The following PCBD1 variants were observed in gnomAD, a reference collection of about 807,000 sequenced individuals.
The protein encoded by PCBD1 is pterin-4-alpha-carbinolamine dehydratase.
A neutral mutation model predicts 12.6 loss-of-function variants in PCBD1; 16 were observed. The observed-to-expected ratio is 1.27, with a 90% CI of 0.86 to 1.93. The LOEUF (loss-of-function observed/expected upper bound fraction) is 1.93, where lower values mean the gene tolerates loss of function less well. Ranked by LOEUF, PCBD1 falls within the 30% of genes most tolerant of loss-of-function variation. PCBD1 has a pLI of 0.00. For synonymous variants in PCBD1, 53 were observed against 50.2 expected (o/e 1.05, Z -0.23); for missense variants, 86 against 130.1 (o/e 0.66, Z 1.65).
chr10:70,885,780 C>G lies in PCBD1; in HGVS notation c.135+18G>C. On this transcript the variant is annotated intron_variant, in intron 2 of 3. Transcript: ENST00000299299. ...ATCAGCCCGTCTCAGAAAACTCTGT[C>G]CCACCCTGGTGCCATACCCTGTTGA... 1 of 1,613,798 alleles carries G rather than the reference C, an allele frequency of 6.2e-7. No individual in the cohort carries two copies. The highest frequency in any genetic ancestry group is 8.5e-7 in the Non-Finnish European group (1 of 1,179,920).
In PCBD1 at chr10:70,885,876, G is replaced by T. The variant is rs114265283; in HGVS notation, c.57C>A (p.Asn19Lys). The change falls in exon 2 of 4, where the codon AAC (asparagine) becomes AAA (lysine). Residue 19 changes from asparagine (N) to lysine (K), a missense_variant. Transcript: ENST00000299299. ...GCTCATTCCACCCCACAGCCCTCAGGTTTGGCAGCAGCTGGTCCCTCTCCT... is the reference window on the plus strand; with the variant it reads ...GCTCATTCCACCCCACAGCCCTCAGTTTTGGCAGCAGCTGGTCCCTCTCCT... Reference protein sequence around the residue: ...SAEERDQLLPNLRAVGWNELE... With the variant: ...SAEERDQLLPKLRAVGWNELE... 1.2e-6 allele frequency: 2 copies of T among 1,614,058 alleles called. No homozygotes were observed. The highest frequency in any genetic ancestry group is 3.3e-5 in the Admixed American group (2 of 60,012).
rs1230994886 is a variant in PCBD1 at position 70,883,946 on chromosome 10, G to A, written c.*4C>T. 1.2e-6 allele frequency: 2 copies of A among 1,613,268 alleles called. No individual in the cohort carries two copies. The highest frequency in any genetic ancestry group is 1.7e-6 in the Non-Finnish European group (2 of 1,179,784). On this transcript the variant is annotated 3_prime_UTR_variant, in exon 4 of 4. Coordinates refer to ENST00000299299, the MANE Select transcript of PCBD1 (RefSeq NM_000281.4). ...CGGAAGAATTCAAAGAGGAAGGGCA[G>A]GGTCTATGTCATGGACACTGCTACT... is the stretch of plus-strand genomic sequence containing the variant.
chr10:70,886,580 C>T (rs12218438), intron 1 of PCBD1, among the ~76,000 whole-genome samples: 11,052 of 152,274 alleles, frequency 0.073, 640 homozygotes, highest in East Asian at 0.3. Flanking sequence ...AGTGTCCATC[C>T]CATTCTTAGC....
rs771567138 is a variant in PCBD1, at chr10:70,884,028, G to A, written c.237C>T (p.Thr79=). Reference sequence around the variant, plus strand: ...GTTCTGAAAGGCCGGCACACTCATGGGTGCTCAGCGTGATGTGGACCTGAA... The same window carrying A: ...GTTCTGAAAGGCCGGCACACTCATGAGTGCTCAGCGTGATGTGGACCTGAA... ...VYNKVHITLS[T]HECAGLSERD... The change falls in exon 4 of 4, where the codon ACC becomes ACT. Residue 79 remains threonine, a synonymous_variant. Coordinates refer to ENST00000299299, the MANE Select transcript of PCBD1 (RefSeq NM_000281.4). The A allele has an allele frequency of 6.2e-7, 1 of 1,614,092 alleles. No individual in the cohort carries two copies. The highest frequency in any genetic ancestry group is 8.5e-7 in the Non-Finnish European group (1 of 1,180,024).
chr10:70,883,117 G>A (rs1846524451), downstream of PCBD1, among the ~76,000 whole-genome samples: 1 of 152,094 alleles, frequency 6.6e-6, no homozygotes, highest in Admixed American at 6.6e-5. Context: ...CTGTGTTCAT[G>A]GTGTTCTCTC....
Position 70,883,715 on chromosome 10 carries a change from T to C in PCBD1, c.*235A>G. On this transcript the variant is annotated 3_prime_UTR_variant, in exon 4 of 4. Coordinates refer to ENST00000299299, the MANE Select transcript of PCBD1 (RefSeq NM_000281.4). ...AGTTGCAAAGAAAGGGGAGAGTTTA[T>C]TCAAATTAGTGTAACAGAGCCCCCA... 1 of 1,389,978 alleles carries C rather than the reference T, an allele frequency of 7.2e-7. No homozygotes were observed. Among genetic ancestry groups the C allele is most frequent in the Non-Finnish European group, 9.3e-7 (1 of 1,070,444 alleles). 86.1% of individuals were successfully genotyped at this position (1,389,978 alleles called of 1,614,324 possible). A position where few individuals can be genotyped will look rare whatever the true frequency, so the allele number is the denominator to read the frequency against.
chr10:70,885,989 G>A, intron 1 of PCBD1, 60 bp from the exon 2 acceptor site: 3 of 1,597,088 alleles, frequency 1.9e-6, no homozygotes, highest in Non-Finnish European at 2.6e-6. Context: ...CAAAACAGAG[G>A]GGCTCCAACC....
At position 70,883,584 on chromosome 10, in the gene PCBD1, C is replaced by T; in HGVS notation, c.*366G>A. Reference sequence around the variant, plus strand: ...ATTACATAGTGTGGGGTTTAGGGTCCTGGTTTCTAAGACAAGACTTTATTT... The same window carrying T: ...ATTACATAGTGTGGGGTTTAGGGTCTTGGTTTCTAAGACAAGACTTTATTT... On this transcript the variant is annotated 3_prime_UTR_variant, in exon 4 of 4. Coordinates refer to ENST00000299299, the MANE Select transcript of PCBD1 (RefSeq NM_000281.4). 8.5e-7 allele frequency: 1 copy of T among 1,175,262 alleles called. No individual in the cohort carries two copies. Among genetic ancestry groups the T allele is most frequent in the Non-Finnish European group, 1.1e-6 (1 of 937,694 alleles). The allele number at this position is 1,175,262 out of a possible 1,614,324, so 72.8% of individuals were successfully genotyped here.
chr10:70,886,409 G>T (rs1011292228), intron 1 of PCBD1, among the ~76,000 whole-genome samples: 1 of 152,062 alleles, frequency 6.6e-6, no homozygotes, highest in Non-Finnish European at 1.5e-5. Context: ...TGCACCCCAC[G>T]TCCCTACCGT....
At chr10:70,884,971 TC>T (rs1846558944) in intron 3 of PCBD1, among the ~76,000 whole-genome samples, 180 bp downstream of exon 3, 1 of 152,182 alleles carries the variant, frequency 6.6e-6, no homozygotes, top group Non-Finnish European at 1.5e-5. Flanking sequence ...GATTTTTTTT[TC>T]CCAGGGGTAT....
At position 70,883,807 on chromosome 10, in the gene PCBD1, C is replaced by T; in HGVS notation, c.*143G>A. On this transcript the variant is annotated 3_prime_UTR_variant, in exon 4 of 4. Coordinates refer to ENST00000299299, the MANE Select transcript of PCBD1 (RefSeq NM_000281.4). ...TGTTGGTGGGGACACTGGCACATCC[C>T]ACAGCAAGGACTCAGCCCTCAACGG... The T allele has an allele frequency of 6.6e-7, 1 of 1,524,336 alleles. No homozygotes were observed. The allele number at this position is 1,524,336 out of a possible 1,614,324, so 94.4% of individuals were successfully genotyped here.
At chr10:70,883,019 G>GAAATGTAAT (rs1589483354), downstream of PCBD1, among the ~76,000 whole-genome samples, 1 of 152,154 alleles carries the variant, frequency 6.6e-6, no homozygotes, top group East Asian at 1.9e-4. Context: ...TCAAATTAGG[G>GAAATGTAAT]ATGTTCAACC....
rs765452102 is a variant in PCBD1 at position 70,885,889 on chromosome 10, T to C, written c.44A>G (p.Gln15Arg). 21 of 1,613,942 alleles carry C rather than the reference T, an allele frequency of 1.3e-5. No homozygotes were observed. Among genetic ancestry groups the C allele is most frequent in the Admixed American group, 3.3e-5 (2 of 60,002 alleles). Residue 15 changes from glutamine (Q) to arginine (R), a missense_variant, in exon 2 of 4, where the codon CAG (glutamine) becomes CGG (arginine). Transcript: ENST00000299299. ...AHRLSAEERD[Q>R]LLPNLRAVGW... ...CACAGCCCTCAGGTTTGGCAGCAGC[T>C]GGTCCCTCTCCTCAGCGCTCAGCCT...
chr10:70,886,123 C>T (rs1039288022), intron 1 of PCBD1, among the ~76,000 whole-genome samples, 194 bp from the exon 2 acceptor site: 5 of 152,154 alleles, frequency 3.3e-5, no homozygotes, highest in Non-Finnish European at 4.4e-5. Flanking sequence ...GGTCCAGGCT[C>T]GTCTGCCGAT....
In PCBD1 at chr10:70,883,920, C is replaced by T. The variant is rs1166974277; in HGVS notation, c.*30G>A. On this transcript the variant is annotated 3_prime_UTR_variant, in exon 4 of 4. Coordinates refer to ENST00000299299, the MANE Select transcript of PCBD1 (RefSeq NM_000281.4). ...ACTCCCAGTTCAGTCACCCCTTCCC[C>T]CGGAAGAATTCAAAGAGGAAGGGCA... 1.2e-6 allele frequency: 2 copies of T among 1,604,994 alleles called. No individual in the cohort carries two copies. Among genetic ancestry groups the T allele is most frequent in the Admixed American group, 3.4e-5 (2 of 58,870 alleles).
chr10:70,885,885 C>T lies in PCBD1; in HGVS notation c.48G>A (p.Leu16=), dbSNP rs776989332. ...HRLSAEERDQ[L]LPNLRAVGWN... Reference sequence around the variant, plus strand: ...ACCCCACAGCCCTCAGGTTTGGCAGCAGCTGGTCCCTCTCCTCAGCGCTCA... The same window carrying T: ...ACCCCACAGCCCTCAGGTTTGGCAGTAGCTGGTCCCTCTCCTCAGCGCTCA... The change falls in exon 2 of 4, where the codon CTG becomes CTA. Residue 16 remains leucine, a synonymous_variant. Transcript: ENST00000299299. The T allele has an allele frequency of 1.2e-6, 2 of 1,614,070 alleles. No homozygotes were observed. The highest frequency in any genetic ancestry group is 1.7e-6 in the Non-Finnish European group (2 of 1,179,982).
chr10:70,884,150 G>T, intron 3 of PCBD1, 102 bp from the exon 4 acceptor site: 3 of 1,197,098 alleles, frequency 2.5e-6, no homozygotes, highest in Non-Finnish European at 3.6e-6. Context: ...CAGAATAGCA[G>T]CTGGCCAGTA....
intron 3 of PCBD1, 52 bp downstream of exon 3, chr10:70,885,100 C>T (rs574508940): frequency 6.7e-5 from 96 of 1,439,092 alleles, no homozygotes; most frequent in Non-Finnish European, 6.0e-5. Context: ...TGTCAGAGTT[C>T]GCAGTATTTG....
At chr10:70,882,455 G>A (rs1052965779), downstream of PCBD1, 1 of 152,256 alleles carries the variant, frequency 6.6e-6, no homozygotes, top group Admixed American at 6.5e-5. Flanking sequence ...AGATGGTATT[G>A]TTGCACACCG....
Sources: allele counts gnomAD v4.1 joint callset (sites outside exome capture counted in the v4.1 genomes callset), GRCh38; gene constraint gnomAD v4.1.1; transcripts MANE v1.5; gene names NCBI Gene and HGNC (gene_info 2026-07-23, HGNC 2026-07-21).